Variants in BCAS4 observed in about 807,000 individuals in gnomAD.
The protein encoded by BCAS4 is breast carcinoma-amplified sequence 4.
Under a neutral mutation model 15.7 loss-of-function variants are expected in BCAS4, and 9 were observed. The ratio of observed to expected loss-of-function variants is 0.57; its 90% CI spans 0.34 to 1.00. The LOEUF (loss-of-function observed/expected upper bound fraction) is 1.00. BCAS4 is among the 50% of genes least tolerant of loss of function. BCAS4 has a pLI of 0.02. For synonymous variants in BCAS4, 101 were observed against 99.5 expected, an observed-to-expected ratio of 1.02 and a Z score of -0.09; for missense variants, 225 against 239.1, an observed-to-expected ratio of 0.94 and a Z score of 0.39.
At chr20:50,814,428 A>G (rs2088112794) in intron 1 of BCAS4, among the ~76,000 whole-genome samples, 1 of 152,206 alleles carries the variant, frequency 6.6e-6, no homozygotes, top group Non-Finnish European at 1.5e-5. Flanking sequence ...CTGAGACCAC[A>G]CAGGTGTGCA....
At position 50,876,725 on chromosome 20, in the gene BCAS4, G is replaced by T; in HGVS notation, c.*117G>T. On this transcript the variant is annotated 3_prime_UTR_variant, in exon 5 of 5. Transcript: ENST00000371608. ...ATATTTTAAAAATATTTAAAAAAAT[G>T]TCGAGATGGGGTCTCACTATGTTGT... The T allele has an allele frequency of 7.9e-7, 1 of 1,258,836 alleles. No individual in the cohort carries two copies. Among genetic ancestry groups the T allele is most frequent in the South Asian group, 1.9e-5 (1 of 52,866 alleles). 78.0% of individuals were successfully genotyped at this position (1,258,836 alleles called of 1,614,324 possible). A position where few individuals can be genotyped will look rare whatever the true frequency, so the allele number is the denominator to read the frequency against.
intron 4 of BCAS4, among the ~76,000 whole-genome samples, chr20:50,846,231 T>A (rs1290902950): frequency 6.6e-6 from 1 of 152,238 alleles, no homozygotes; most frequent in African/African-American, 2.4e-5. Flanking sequence ...TTGATCGTTA[T>A]AACATTGTGA....
intron 1 of BCAS4, among the ~76,000 whole-genome samples, chr20:50,809,099 C>T (rs1199780824): frequency 1.3e-5 from 2 of 152,104 alleles, no homozygotes; most frequent in East Asian, 3.9e-4. Context: ...TGTCCTTTCT[C>T]CACTTCTGGT....
chr20:50,844,944 G>C lies in BCAS4; in HGVS notation c.399+3044G>C, dbSNP rs867804013. Among the ~76,000 whole-genome samples the C allele has an allele frequency of 3.3e-5, 5 of 152,180 alleles. No homozygotes were observed. In the South Asian group the frequency reaches 1.0e-3, roughly 32 times the overall value. ...TCTTGGCCCCACAAGGGCTTTGTCT[G>C]GGGGAGGTGGTGCAGCCTAGTGTGT... On this transcript the variant is annotated intron_variant, in intron 4 of 4. Coordinates refer to ENST00000371608, the MANE Select transcript of BCAS4 (RefSeq NM_198799.4).
chr20:50,801,901 G>A (rs2087931688), intron 1 of BCAS4, among the ~76,000 whole-genome samples: 1 of 152,114 alleles, frequency 6.6e-6, no homozygotes. Flanking sequence ...AAAGATGAGG[G>A]ACCGGGAGGT....
At chr20:50,839,604 G>A (rs11907735) in intron 3 of BCAS4, among the ~76,000 whole-genome samples, 20,324 of 152,212 alleles carry the variant, frequency 0.13, 1,483 homozygotes, top group South Asian at 0.19. Flanking sequence ...CCGGGTTCAA[G>A]TAATTCTCGT....
intron 1 of BCAS4, among the ~76,000 whole-genome samples, chr20:50,796,485 ATATTTTTTTTTTTT>A (rs1351003576): frequency 2.1e-3 from 22 of 10,292 alleles, no homozygotes; most frequent in African/African-American, 8.9e-3. Flanking sequence ...ATATATATAT[ATATTTTTTTTTTTT>A]TTTTTTTTTT....
intron 3 of BCAS4, among the ~76,000 whole-genome samples, chr20:50,837,352 C>T (rs73909811): frequency 0.021 from 3,186 of 152,066 alleles, 115 homozygotes; most frequent in African/African-American, 0.072. Flanking sequence ...TTTGGGAGGC[C>T]GAAGTGGGAG....
chr20:50,835,606 G>A (rs1451064722), intron 3 of BCAS4, among the ~76,000 whole-genome samples: 2 of 152,114 alleles, frequency 1.3e-5, no homozygotes, highest in Non-Finnish European at 2.9e-5. Flanking sequence ...ACTGCTGAGG[G>A]ACCAGGTGTT....
chr20:50,859,866 G>T (rs368603741), intron 4 of BCAS4, among the ~76,000 whole-genome samples: 4 of 152,206 alleles, frequency 2.6e-5, no homozygotes, highest in Non-Finnish European at 5.9e-5. Flanking sequence ...GAGGCCGGAC[G>T]CGGTGGCTCA....
chr20:50,840,453 G>T, intron 3 of BCAS4: 2 of 849,466 alleles, frequency 2.4e-6, no homozygotes, highest in East Asian at 2.6e-5. Context: ...AGAGGCAGTC[G>T]CGGCCTTCGT....
intron 4 of BCAS4, among the ~76,000 whole-genome samples, chr20:50,869,528 C>G (rs980358218): frequency 1.2e-4 from 19 of 152,152 alleles, no homozygotes; most frequent in Non-Finnish European, 2.6e-4. Flanking sequence ...CAGTGGTCAC[C>G]CAAGAACAGC....
intron 3 of BCAS4, among the ~76,000 whole-genome samples, chr20:50,839,917 G>C (rs1015254198): frequency 6.6e-6 from 1 of 152,208 alleles, no homozygotes; most frequent in African/African-American, 2.4e-5. Flanking sequence ...GGTAGAATTT[G>C]GATTCTAATC....
Position 50,851,119 on chromosome 20 carries a change from G to A in BCAS4, c.399+9219G>A, listed in dbSNP as rs1415040153. Among the ~76,000 whole-genome samples the A allele has an allele frequency of 1.9e-4, 1 of 5,180 alleles. No individual in the cohort carries two copies. Among genetic ancestry groups the A allele is most frequent in the Non-Finnish European group, 3.5e-4 (1 of 2,844 alleles). 3.4% of individuals were successfully genotyped at this position (5,180 alleles called of 152,430 possible). On this transcript the variant is annotated intron_variant, in intron 4 of 4. Transcript: ENST00000371608. The surrounding 1 kb of genome is among the most constrained non-coding windows in gnomAD (Gnocchi z 4.3). The stretch of plus-strand genomic sequence containing the variant: ...CCTGCAGAATCCCCCTGCAGGAGGT[G>A]ACTCGGGGAGGGAGCCCGACAGCTC...
intron 3 of BCAS4, among the ~76,000 whole-genome samples, 158 bp from the exon 4 acceptor site, chr20:50,841,608 C>G (rs2088482350): frequency 6.6e-6 from 1 of 152,182 alleles, no homozygotes; most frequent in African/African-American, 2.4e-5. Context: ...AGGTGCCCCT[C>G]CAGCTAAGCA....
At chr20:50,811,017 A>G (rs934551791) in intron 1 of BCAS4, among the ~76,000 whole-genome samples, 11 of 152,288 alleles carry the variant, frequency 7.2e-5, no homozygotes, top group Middle Eastern at 3.4e-3. Flanking sequence ...TTTGAGCAAA[A>G]GCTAGAAGGA....
At chr20:50,876,382 C>T in intron 4 of BCAS4, 104 bp from the exon 5 acceptor site, 1 of 1,474,178 alleles carries the variant, frequency 6.8e-7, no homozygotes, top group Non-Finnish European at 9.2e-7. Flanking sequence ...AGTCTTTGGT[C>T]ATATGTGTGA....
At chr20:50,797,820 C>T (rs1488852414) in intron 1 of BCAS4, among the ~76,000 whole-genome samples, 6 of 152,064 alleles carry the variant, frequency 3.9e-5, no homozygotes, top group African/African-American at 1.4e-4. Flanking sequence ...CATGCGCCAC[C>T]ACGCCCAGCG....
At chr20:50,797,488 AGTTCAAGACCAG>A (rs1261698088) in intron 1 of BCAS4, among the ~76,000 whole-genome samples, 1 of 152,142 alleles carries the variant, frequency 6.6e-6, no homozygotes, top group East Asian at 1.9e-4. Flanking sequence ...TGAGACCAGG[AGTTCAAGACCAG>A]TCTGGGCAAC....
Sources: gnomAD v4.1 joint callset for allele counts (sites outside exome capture counted in the v4.1 genomes callset) on GRCh38, gnomAD v4.1.1 for gene constraint, Gnocchi (gnomAD v3.1) non-coding constraint, MANE v1.5 for transcripts, NCBI Gene and HGNC (gene_info 2026-07-23, HGNC 2026-07-21) for gene names.